The following FBXL17 variants were observed in gnomAD, a reference collection of about 807,000 sequenced individuals.
FBXL17 encodes F-box/LRR-repeat protein 17.
A neutral mutation model predicts 66.2 loss-of-function variants in FBXL17; 22 were observed. That is an observed-to-expected ratio of 0.33 (90% CI 0.24 to 0.47). FBXL17 has a LOEUF of 0.47. Among genes scored for constraint, FBXL17 ranks in the 20% least tolerant of loss-of-function variants. The probability of loss-of-function intolerance (pLI) is 1.00; values close to 1 mark genes in which losing one functional copy is unlikely to be tolerated. For synonymous variants in FBXL17, 474 were observed against 400.5 expected, an observed-to-expected ratio of 1.18 and a Z score of -2.19; for missense variants, 878 against 948.2, an observed-to-expected ratio of 0.93 and a Z score of 0.97.
intron 8 of FBXL17, among the ~76,000 whole-genome samples, chr5:107,873,387 C>T (rs1007782316): frequency 6.6e-6 from 1 of 152,054 alleles, no homozygotes; most frequent in African/African-American, 2.4e-5. Flanking sequence ...ATATAGTAAG[C>T]CACTCAATAG....
intron 6 of FBXL17, among the ~76,000 whole-genome samples, chr5:108,035,981 T>C (rs1561378681): frequency 1.3e-5 from 2 of 152,220 alleles, no homozygotes. Flanking sequence ...TCTAATTTTT[T>C]TCAGATTGTT....
chr5:108,137,003 T>C (rs1019464), intron 6 of FBXL17, among the ~76,000 whole-genome samples: 46,450 of 152,048 alleles, frequency 0.31, 8,311 homozygotes, highest in Admixed American at 0.41. Context: ...GATGATTAGA[T>C]AACATCATCC....
intron 6 of FBXL17, among the ~76,000 whole-genome samples, chr5:108,175,545 T>C (rs1054413295): frequency 3.9e-5 from 6 of 152,226 alleles, no homozygotes; most frequent in African/African-American, 1.2e-4. Flanking sequence ...TTGTATACTG[T>C]CTTAAATTAA....
chr5:108,116,203 G>A (rs577548727), intron 6 of FBXL17, among the ~76,000 whole-genome samples: 32 of 152,180 alleles, frequency 2.1e-4, no homozygotes, highest in Middle Eastern at 6.8e-3. Context: ...CCTTATATAC[G>A]TAAAATTACT....
intron 6 of FBXL17, among the ~76,000 whole-genome samples, chr5:108,105,983 G>A (rs910044233): frequency 9.9e-5 from 15 of 152,050 alleles, no homozygotes; most frequent in African/African-American, 2.9e-4. Flanking sequence ...CTGGATCATC[G>A]CCGGAAAGCA....
chr5:107,873,963 T>C (rs913406032), intron 8 of FBXL17, among the ~76,000 whole-genome samples: 1 of 152,092 alleles, frequency 6.6e-6, no homozygotes, highest in African/African-American at 2.4e-5. Flanking sequence ...CAGCAAAACA[T>C]AAGCAGCTAC....
In FBXL17 at chr5:108,286,016, T is replaced by G. The variant is rs79612277; in HGVS notation, c.1507-61788A>C. On this transcript the variant is annotated intron_variant, in intron 4 of 8. Transcript: ENST00000542267. Reference sequence around the variant, plus strand: ...GCATGTCAATAAATGTGATTCCTCTTATAAATGCAACTGAAAACAAAAAAC... The same window carrying G: ...GCATGTCAATAAATGTGATTCCTCTGATAAATGCAACTGAAAACAAAAAAC... 7.3e-3 allele frequency among the ~76,000 whole-genome samples: 1,113 copies of G among 151,918 alleles called. 11 individuals are homozygous for G. The highest frequency in any genetic ancestry group is 0.026 in the African/African-American group (1,077 of 41,502).
intron 6 of FBXL17, among the ~76,000 whole-genome samples, chr5:108,029,281 A>G (rs1754942889): frequency 6.6e-6 from 1 of 152,136 alleles, no homozygotes; most frequent in African/African-American, 2.4e-5. Context: ...GAAAAAGTGT[A>G]GGCAGTGGGA....
At chr5:107,867,169 T>A in intron 8 of FBXL17, among the ~76,000 whole-genome samples, 1 of 152,176 alleles carries the variant, frequency 6.6e-6, no homozygotes, top group East Asian at 1.9e-4. Flanking sequence ...CCAAACTCCT[T>A]TAATCCTCTG....
At chr5:108,320,494 A>C (rs1580810454) in intron 4 of FBXL17, among the ~76,000 whole-genome samples, 1 of 151,770 alleles carries the variant, frequency 6.6e-6, no homozygotes, top group Non-Finnish European at 1.5e-5. Context: ...AAGAGAACTA[A>C]AAAAATTGGA....
chr5:108,165,171 TAA>T (rs1219088803), intron 6 of FBXL17, among the ~76,000 whole-genome samples: 1 of 152,224 alleles, frequency 6.6e-6, no homozygotes, highest in East Asian at 1.9e-4. Flanking sequence ...TACACTGTGC[TAA>T]AATCTTACCA....
intron 4 of FBXL17, among the ~76,000 whole-genome samples, chr5:108,259,440 A>G (rs1756718280): frequency 6.6e-6 from 1 of 152,222 alleles, no homozygotes; most frequent in Non-Finnish European, 1.5e-5. Flanking sequence ...AGTGAGGCAG[A>G]CAGAGAGCCC....
chr5:108,145,777 C>A, intron 6 of FBXL17, among the ~76,000 whole-genome samples: 1 of 151,130 alleles, frequency 6.6e-6, no homozygotes, highest in Non-Finnish European at 1.5e-5. Context: ...GCAAAGGAAC[C>A]ATTTTTCTTA....
chr5:108,178,787 T>A (rs1752891692), intron 6 of FBXL17, among the ~76,000 whole-genome samples: 2 of 152,196 alleles, frequency 1.3e-5, no homozygotes, highest in Non-Finnish European at 2.9e-5. Context: ...TTTTGCCACC[T>A]CTTTATTTCC....
At chr5:108,072,513 C>T (rs1433186733) in intron 6 of FBXL17, among the ~76,000 whole-genome samples, 2 of 152,134 alleles carry the variant, frequency 1.3e-5, no homozygotes, top group Non-Finnish European at 2.9e-5. Context: ...ACCATCCTGG[C>T]TAACATGGTG....
chr5:108,042,233 A>C (rs1173434166), intron 6 of FBXL17, among the ~76,000 whole-genome samples: 1 of 152,168 alleles, frequency 6.6e-6, no homozygotes, highest in Non-Finnish European at 1.5e-5. Context: ...TAAGAACTGT[A>C]GATTCACATG....
chr5:108,298,222 C>T (rs1580768736), intron 4 of FBXL17: 14 of 982,880 alleles, frequency 1.4e-5, no homozygotes, highest in Non-Finnish European at 1.6e-5. Context: ...CCAACAATAA[C>T]TTTTTGTCTA....
chr5:108,155,501 C>T (rs1751960642), intron 6 of FBXL17, among the ~76,000 whole-genome samples: 1 of 151,908 alleles, frequency 6.6e-6, no homozygotes, highest in African/African-American at 2.4e-5. Flanking sequence ...GGTGACAGAG[C>T]AAGACTCCGT....
intron 5 of FBXL17, 94 bp downstream of exon 5, chr5:108,224,027 C>A (rs1487359426): frequency 9.9e-6 from 5 of 506,486 alleles, no homozygotes; most frequent in African/African-American, 1.9e-5. Flanking sequence ...CTATAATGGT[C>A]TGACTGTCCC....
Sources: gnomAD v4.1 joint callset for allele counts (sites outside exome capture counted in the v4.1 genomes callset) on GRCh38, gnomAD v4.1.1 for gene constraint, MANE v1.5 for transcripts, NCBI Gene and HGNC (gene_info 2026-07-23, HGNC 2026-07-21) for gene names.